The following KAZN variants were observed in gnomAD, a reference collection of about 807,000 sequenced individuals.
KAZN encodes kazrin.
A neutral mutation model predicts 87.4 loss-of-function variants in KAZN; 40 were observed. The ratio of observed to expected loss-of-function variants is 0.46; its 90% CI spans 0.36 to 0.60. The LOEUF is 0.60. Ranked by LOEUF, KAZN falls within the 20% of genes least tolerant of loss-of-function variation. KAZN has a pLI of 0.00. For missense variants in KAZN, 898 were observed against 1,073.9 expected, an observed-to-expected ratio of 0.84 and a Z score of 2.29; for synonymous variants, 466 against 458.3, an observed-to-expected ratio of 1.02 and a Z score of -0.22.
chr1:14,813,730 T>G (rs1485012470), intron 1 of KAZN, among the ~76,000 whole-genome samples: 1 of 152,224 alleles, frequency 6.6e-6, no homozygotes, highest in Non-Finnish European at 1.5e-5. Flanking sequence ...AAACTTCCTC[T>G]AGTGGACATT....
chr1:15,002,919 C>T (rs982571539), intron 2 of KAZN, among the ~76,000 whole-genome samples: 19 of 151,150 alleles, frequency 1.3e-4, no homozygotes, highest in Admixed American at 9.9e-4. Context: ...GAGGTTACAG[C>T]GAGCCGAGAT....
At chr1:14,430,669 A>G (rs1666009698) in intron 2 of KAZN, among the ~76,000 whole-genome samples, 1 of 152,216 alleles carries the variant, frequency 6.6e-6, no homozygotes, top group East Asian at 1.9e-4. Context: ...ACAGAGGATA[A>G]TCACATGTTC....
intron 1 of KAZN, among the ~76,000 whole-genome samples, chr1:14,713,735 A>G (rs1137795): frequency 0.42 from 59,595 of 142,336 alleles, 12,829 homozygotes; most frequent in South Asian, 0.58. Context: ...GCCAAGGAGT[A>G]CGAGACTAGC....
chr1:14,104,061 G>A (rs1644317411), intron 1 of KAZN, among the ~76,000 whole-genome samples: 1 of 152,214 alleles, frequency 6.6e-6, no homozygotes, highest in Non-Finnish European at 1.5e-5. Flanking sequence ...CGAAGACACT[G>A]CAACATTATT....
intron 2 of KAZN, among the ~76,000 whole-genome samples, chr1:14,295,814 C>T (rs1654069658): frequency 6.6e-6 from 1 of 152,132 alleles, no homozygotes; most frequent in African/African-American, 2.4e-5. Context: ...CATTTCTTTC[C>T]TTCATGTTGC....
chr1:14,810,012 C>A (rs3916544), intron 1 of KAZN, among the ~76,000 whole-genome samples: 10 of 152,018 alleles, frequency 6.6e-5, no homozygotes, highest in Non-Finnish European at 1.0e-4. Context: ...TTGTGCATTG[C>A]AGGTGCATTA....
At chr1:13,977,853 C>G (rs1018175520) in intron 1 of KAZN, among the ~76,000 whole-genome samples, 1 of 152,176 alleles carries the variant, frequency 6.6e-6, no homozygotes, top group Non-Finnish European at 1.5e-5. Context: ...CTAGACTGGG[C>G]ACGGTGGCTC....
intron 2 of KAZN, among the ~76,000 whole-genome samples, chr1:14,334,846 C>T (rs35268981): frequency 0.09 from 13,667 of 151,976 alleles, 815 homozygotes; most frequent in Non-Finnish European, 0.14. Context: ...ACAGGACAAA[C>T]GCAGAGGCAG....
chr1:13,925,945 C>T (rs572857589), intron 1 of KAZN, among the ~76,000 whole-genome samples: 11 of 152,162 alleles, frequency 7.2e-5, no homozygotes, highest in African/African-American at 2.7e-4. Flanking sequence ...ATGAGGGTCT[C>T]CCCTGGGTGG....
chr1:14,726,097 C>T (rs1456348493), intron 1 of KAZN, among the ~76,000 whole-genome samples: 2 of 152,246 alleles, frequency 1.3e-5, no homozygotes, highest in African/African-American at 4.8e-5. Flanking sequence ...ATGCCAGCCT[C>T]ACCTCATCTG....
At chr1:14,806,594 C>A (rs1572532994) in intron 1 of KAZN, among the ~76,000 whole-genome samples, 1 of 152,234 alleles carries the variant, frequency 6.6e-6, no homozygotes, top group East Asian at 1.9e-4. Flanking sequence ...ATGTTGTCTG[C>A]CCCCATTCAG....
chr1:14,508,729 A>C (rs569330963), intron 2 of KAZN, among the ~76,000 whole-genome samples: 1 of 152,310 alleles, frequency 6.6e-6, no homozygotes, highest in Admixed American at 6.5e-5. Context: ...TATAAGAGTA[A>C]TTATGTTTGC....
intron 2 of KAZN, among the ~76,000 whole-genome samples, chr1:15,013,765 A>G (rs7550877): frequency 0.29 from 43,586 of 150,452 alleles, 7,557 homozygotes; most frequent in South Asian, 0.39. Flanking sequence ...AAAAAAAAAA[A>G]AGAGAGAGAT....
chr1:14,427,894 T>C (rs1231759281), intron 2 of KAZN, among the ~76,000 whole-genome samples: 1 of 152,228 alleles, frequency 6.6e-6, no homozygotes. Context: ...TTCTTCCTAA[T>C]GCTTTCCATG....
At chr1:15,062,042 A>G (rs1269569461) in intron 6 of KAZN, 2 of 152,108 alleles carry the variant, frequency 1.3e-5, no homozygotes, top group Non-Finnish European at 1.5e-5. Flanking sequence ...CCAGTTGAGA[A>G]TACCTTCCCC....
chr1:14,574,108 C>G (rs1208257115), intron 2 of KAZN, among the ~76,000 whole-genome samples: 2 of 152,112 alleles, frequency 1.3e-5, no homozygotes, highest in African/African-American at 4.8e-5. Context: ...AGAAAATCTA[C>G]AAGGATTTTT....
intron 2 of KAZN, among the ~76,000 whole-genome samples, chr1:14,383,487 T>C (rs1661562899): frequency 6.6e-6 from 1 of 151,910 alleles, no homozygotes; most frequent in African/African-American, 2.4e-5. Context: ...TGAATTGATT[T>C]TTGTATAAGG....
chr1:14,551,188 A>C (rs1291707800), intron 2 of KAZN, among the ~76,000 whole-genome samples: 1 of 152,278 alleles, frequency 6.6e-6, no homozygotes, highest in African/African-American at 2.4e-5. Flanking sequence ...CACTGCCCCA[A>C]CAGTATTCAC....
At chr1:14,213,831 A>G (rs1646905112) in intron 2 of KAZN, among the ~76,000 whole-genome samples, 1 of 152,228 alleles carries the variant, frequency 6.6e-6, no homozygotes, top group Non-Finnish European at 1.5e-5. Flanking sequence ...GACAGCTGGT[A>G]GTGGCTCAGA....
Sources: gnomAD v4.1 joint callset for allele counts (sites outside exome capture counted in the v4.1 genomes callset) on GRCh38, gnomAD v4.1.1 for gene constraint, MANE v1.5 for transcripts, NCBI Gene and HGNC (gene_info 2026-07-23, HGNC 2026-07-21) for gene names.